Variants in DMD observed in about 807,000 individuals in gnomAD.
DMD encodes mutant dystrophin.
DMD carries 63 observed loss-of-function variants against 330.1 expected under a neutral mutation model. The observed-to-expected ratio is 0.19, with a 90% CI of 0.16 to 0.24. DMD has a LOEUF of 0.24. DMD is among the 10% of genes least tolerant of loss of function. DMD has a pLI of 1.00. For missense variants in DMD, 3,344 were observed against 2,684.1 expected (o/e 1.25, Z -5.43); for synonymous variants, 1,223 against 959.8 (o/e 1.27, Z -5.07).
At chrX:31,863,107 G>C (rs1241409072) in intron 48 of DMD, among the ~76,000 whole-genome samples, 1 of 112,785 alleles carries the variant, frequency 8.9e-6, no homozygotes, top group African/African-American at 3.2e-5. Flanking sequence ...ACTCTGGGAG[G>C]CCGAGGCGGG....
chrX:32,693,688 C>A (rs112876826), intron 9 of DMD, among the ~76,000 whole-genome samples: 2 of 111,993 alleles, frequency 1.8e-5, no homozygotes, highest in African/African-American at 6.5e-5. Flanking sequence ...GATCTCCCCG[C>A]GTCATCCTCC....
chrX:31,719,158 T>G (rs948666798), intron 52 of DMD, among the ~76,000 whole-genome samples: 2 of 111,975 alleles, frequency 1.8e-5, no homozygotes, highest in Non-Finnish European at 3.8e-5. Flanking sequence ...TCCTGTTTGT[T>G]TTAGCCACTG....
At chrX:32,747,752 T>C (rs886630256) in intron 7 of DMD, among the ~76,000 whole-genome samples, 1 of 110,675 alleles carries the variant, frequency 9.0e-6, no homozygotes. Flanking sequence ...GTGCTGGGAC[T>C]ACAGGTGTGA....
intron 59 of DMD, among the ~76,000 whole-genome samples, chrX:31,451,740 T>C: frequency 9.0e-6 from 1 of 111,085 alleles, no homozygotes; most frequent in Non-Finnish European, 1.9e-5. Flanking sequence ...GGGGATACTT[T>C]GCAGACTGAG....
intron 62 of DMD, among the ~76,000 whole-genome samples, chrX:31,310,808 A>AC (rs1194347177): frequency 2.0e-5 from 2 of 100,684 alleles, no homozygotes; most frequent in African/African-American, 3.7e-5. Context: ...TTCTGCTTTG[A>AC]CCCCCCAAAG....
At chrX:32,686,156 A>G (rs767460011) in intron 9 of DMD, among the ~76,000 whole-genome samples, 1 of 111,799 alleles carries the variant, frequency 8.9e-6, no homozygotes, top group East Asian at 2.8e-4. Context: ...TTTTTCACTG[A>G]TATTATTTGT....
intron 44 of DMD, among the ~76,000 whole-genome samples, chrX:31,993,261 T>C (rs144147316): frequency 0.039 from 4,384 of 111,604 alleles, 96 homozygotes; most frequent in Non-Finnish European, 0.062. Flanking sequence ...TAGGTTATTC[T>C]AGGAAAATCT....
intron 44 of DMD, among the ~76,000 whole-genome samples, chrX:32,021,779 TTC>T (rs776320766): frequency 1.6e-4 from 18 of 112,470 alleles, no homozygotes; most frequent in Admixed American, 4.7e-4. Context: ...TTACATTAAT[TTC>T]TCTGTTTCTT....
At chrX:32,762,818 G>C (rs1301793829) in intron 7 of DMD, among the ~76,000 whole-genome samples, 2 of 111,133 alleles carry the variant, frequency 1.8e-5, no homozygotes, top group East Asian at 5.7e-4. Flanking sequence ...TCTTCAGAAG[G>C]TGTTAAATAG....
At chrX:32,684,247 A>T (rs895129765) in intron 9 of DMD, among the ~76,000 whole-genome samples, 3 of 111,481 alleles carry the variant, frequency 2.7e-5, no homozygotes, top group Non-Finnish European at 5.7e-5. Flanking sequence ...ACACATATAT[A>T]TGCACACGTA....
At chrX:32,800,212 C>G (rs1047804501) in intron 7 of DMD, among the ~76,000 whole-genome samples, 6 of 111,507 alleles carry the variant, frequency 5.4e-5, no homozygotes, top group African/African-American at 2.0e-4. Context: ...GCTACAGAAC[C>G]AATATCTGGT....
chrX:32,691,387 C>T (rs991125972), intron 9 of DMD, among the ~76,000 whole-genome samples: 7 of 108,895 alleles, frequency 6.4e-5, no homozygotes, highest in Admixed American at 3.9e-4. Context: ...TCTCCAAAGA[C>T]GACACCCAAA....
chrX:31,422,043 A>ATATTTTT (rs1556630715), intron 60 of DMD, among the ~76,000 whole-genome samples: 19 of 28,747 alleles, frequency 6.6e-4, no homozygotes, highest in African/African-American at 8.8e-4. Context: ...ATATATATAT[A>ATATTTTT]TTTTTTTTTT....
chrX:31,147,265 C>A lies in DMD; in HGVS notation c.10797+10G>T, dbSNP rs1372889768. ...ATGAATGTTTGTAAAAATCCCATCTCTCTCCTCACTTGCTCCAGCAGCTGC... is the reference window on the plus strand; with the variant it reads ...ATGAATGTTTGTAAAAATCCCATCTATCTCCTCACTTGCTCCAGCAGCTGC... On this transcript the variant is annotated intron_variant, in intron 75 of 78. Transcript: ENST00000357033. The A allele has an allele frequency of 4.1e-6, 5 of 1,209,026 alleles. No individual in the cohort carries two copies. The Admixed American group carries it at 1.1e-4, about 26-fold the overall frequency.
chrX:32,134,495 C>CT (rs199650089), intron 44 of DMD, among the ~76,000 whole-genome samples: 2 of 108,557 alleles, frequency 1.8e-5, no homozygotes, highest in African/African-American at 6.7e-5. Flanking sequence ...TACACATGTC[C>CT]TTTTTTTTTC....
At chrX:32,370,814 A>G (rs1455969135) in intron 34 of DMD, among the ~76,000 whole-genome samples, 1 of 111,425 alleles carries the variant, frequency 9.0e-6, no homozygotes, top group East Asian at 2.8e-4. Flanking sequence ...ATAATCTAGG[A>G]CCAGAAACCA....
At chrX:31,792,615 C>T (rs2091625773) in intron 50 of DMD, among the ~76,000 whole-genome samples, 1 of 112,092 alleles carries the variant, frequency 8.9e-6, no homozygotes, top group African/African-American at 3.2e-5. Context: ...GGATATTTCC[C>T]TGACCCCTTT....
chrX:32,526,454 T>C (rs1230961885), intron 17 of DMD, among the ~76,000 whole-genome samples: 6 of 110,690 alleles, frequency 5.4e-5, no homozygotes, highest in African/African-American at 1.6e-4. Context: ...AGTGTATTAC[T>C]ACACCAAGAC....
At chrX:32,212,243 G>A (rs954526881) in intron 44 of DMD, among the ~76,000 whole-genome samples, 2 of 111,993 alleles carry the variant, frequency 1.8e-5, no homozygotes, top group African/African-American at 6.5e-5. Context: ...CTTATGCTTT[G>A]AGAAGAAATT....
Sources: gnomAD v4.1 joint callset for allele counts (sites outside exome capture counted in the v4.1 genomes callset) on GRCh38, gnomAD v4.1.1 for gene constraint, MANE v1.5 for transcripts, NCBI Gene and HGNC (gene_info 2026-07-23, HGNC 2026-07-21) for gene names.